Variants in NCAM2 observed in about 807,000 individuals in gnomAD.
NCAM2 encodes the protein N-CAM-2.
Under a neutral mutation model 98.1 loss-of-function variants are expected in NCAM2, and 30 were observed. The observed-to-expected ratio is 0.31, with a 90% confidence interval of 0.23 to 0.41. The LOEUF is 0.41. Among genes scored for constraint, NCAM2 ranks in the 10% least tolerant of loss-of-function variants. NCAM2 has a pLI of 1.00. For synonymous variants in NCAM2, 368 were observed against 342.4 expected (o/e 1.07, Z -0.83); for missense variants, 867 against 1,005.8 (o/e 0.86, Z 1.87).
At chr21:21,070,921 G>A (rs1041560348) in intron 1 of NCAM2, among the ~76,000 whole-genome samples, 2 of 152,188 alleles carry the variant, frequency 1.3e-5, no homozygotes, top group Non-Finnish European at 2.9e-5. Context: ...AATTTGAAAT[G>A]CCTCTAGGGA....
intron 15 of NCAM2, among the ~76,000 whole-genome samples, chr21:21,498,126 C>G (rs756687160): frequency 6.6e-6 from 1 of 151,878 alleles, no homozygotes; most frequent in Admixed American, 6.6e-5. Context: ...TCATTATATA[C>G]GTATGTGAAA....
chr21:21,466,815 C>A, intron 13 of NCAM2, 90 bp downstream of exon 13: 1 of 1,286,656 alleles, frequency 7.8e-7, no homozygotes, highest in Non-Finnish European at 1.1e-6. Flanking sequence ...GATGTTTCAA[C>A]ACTTTTGAGA....
At chr21:21,509,144 G>A in intron 16 of NCAM2, 89 bp downstream of exon 16, 1 of 1,281,856 alleles carries the variant, frequency 7.8e-7, no homozygotes. Flanking sequence ...TAGGGTAAAG[G>A]AGTAGGGTAA....
chr21:21,065,341 T>A (rs560985563), intron 1 of NCAM2, among the ~76,000 whole-genome samples: 2 of 152,316 alleles, frequency 1.3e-5, no homozygotes, highest in South Asian at 2.1e-4. Flanking sequence ...TGGGTCTTTT[T>A]TTTCCCACTT....
At chr21:21,512,122 T>A (rs1988424933) in intron 16 of NCAM2, among the ~76,000 whole-genome samples, 1 of 152,008 alleles carries the variant, frequency 6.6e-6, no homozygotes, top group South Asian at 2.1e-4. Context: ...TTTGTCCATG[T>A]TTGCTTTGTT....
At position 21,453,005 on chromosome 21, in the gene NCAM2, TA is replaced by T. The variant is rs1298427354; in HGVS notation, c.1655-13599del. Among the ~76,000 whole-genome samples the T allele has an allele frequency of 2.7e-4, 28 of 104,358 alleles. No homozygotes were observed. The South Asian group carries it at 3.7e-3, about 14-fold the overall frequency. The allele number at this position is 104,358 out of a possible 152,430, so 68.5% of individuals were successfully genotyped here. ...ATTATATATTATATTATATAATATA[TA>T]ATATATAAAAATATATAATATATAA... is the stretch of plus-strand genomic sequence containing the variant. On this transcript the variant is annotated intron_variant, in intron 12 of 17. Coordinates refer to ENST00000400546, the MANE Select transcript of NCAM2 (RefSeq NM_004540.5).
At chr21:21,380,717 C>T (rs951314176) in intron 9 of NCAM2, among the ~76,000 whole-genome samples, 2 of 152,188 alleles carry the variant, frequency 1.3e-5, no homozygotes, top group Admixed American at 6.5e-5. Flanking sequence ...CTCAAACTTT[C>T]CTTGCAATTA....
At chr21:21,308,791 C>T (rs1038231020) in intron 5 of NCAM2, among the ~76,000 whole-genome samples, 8 of 151,992 alleles carry the variant, frequency 5.3e-5, no homozygotes, top group Admixed American at 2.0e-4. Context: ...TTTCATTTTC[C>T]GGATAATTTT....
intron 1 of NCAM2, among the ~76,000 whole-genome samples, chr21:21,264,872 T>TGTGTATATATATACACACA (rs2072079917): frequency 1.5e-5 from 2 of 132,778 alleles, no homozygotes; most frequent in African/African-American, 5.5e-5. Context: ...GTGTGTGTGT[T>TGTGTATATATATACACACA]CATAGTGGGA....
At chr21:21,174,693 T>C (rs928808830) in intron 1 of NCAM2, among the ~76,000 whole-genome samples, 2 of 152,122 alleles carry the variant, frequency 1.3e-5, no homozygotes, top group Non-Finnish European at 2.9e-5. Context: ...ATAAAATTAC[T>C]GCCTTTAGGG....
At chr21:21,179,551 C>T (rs1027403208) in intron 1 of NCAM2, among the ~76,000 whole-genome samples, 7 of 152,218 alleles carry the variant, frequency 4.6e-5, no homozygotes, top group Admixed American at 1.3e-4. Flanking sequence ...TTAATCCCAA[C>T]AGCTGTTGTC....
chr21:21,504,244 G>T (rs922262920), intron 15 of NCAM2, among the ~76,000 whole-genome samples: 2 of 151,854 alleles, frequency 1.3e-5, no homozygotes, highest in African/African-American at 4.8e-5. Context: ...GTTAGTATGT[G>T]ACTTAGGCCA....
At chr21:21,525,018 T>C (rs1321043266) in intron 16 of NCAM2, among the ~76,000 whole-genome samples, 2 of 152,046 alleles carry the variant, frequency 1.3e-5, no homozygotes, top group African/African-American at 4.8e-5. Flanking sequence ...AACCAATGTT[T>C]AGAGGGAAAT....
At chr21:21,395,491 A>G (rs574874814) in intron 9 of NCAM2, among the ~76,000 whole-genome samples, 1 of 152,226 alleles carries the variant, frequency 6.6e-6, no homozygotes, top group Non-Finnish European at 1.5e-5. Context: ...AAATAACACC[A>G]TAATTCTTCA....
At chr21:21,445,923 A>G (rs1325984301) in intron 12 of NCAM2, among the ~76,000 whole-genome samples, 2 of 152,120 alleles carry the variant, frequency 1.3e-5, no homozygotes, top group African/African-American at 2.4e-5. Flanking sequence ...GTTTCTTCAC[A>G]GTGTCATTGG....
intron 9 of NCAM2, among the ~76,000 whole-genome samples, chr21:21,399,905 A>G (rs1363861416): frequency 6.6e-6 from 1 of 152,232 alleles, no homozygotes; most frequent in African/African-American, 2.4e-5. Flanking sequence ...AAAAGAAAGT[A>G]GAAAGCTTGC....
intron 1 of NCAM2, among the ~76,000 whole-genome samples, chr21:21,153,148 A>G (rs567829903): frequency 6.7e-6 from 1 of 149,712 alleles, no homozygotes; most frequent in East Asian, 1.9e-4. Context: ...CTATACCGTC[A>G]TGGCCAGCCA....
At chr21:21,458,652 A>G (rs573195048) in intron 12 of NCAM2, among the ~76,000 whole-genome samples, 132 of 152,298 alleles carry the variant, frequency 8.7e-4, no homozygotes, top group Middle Eastern at 3.4e-3. Flanking sequence ...TTGATCTTGG[A>G]CTTCCCAGCC....
intron 16 of NCAM2, among the ~76,000 whole-genome samples, chr21:21,531,092 T>C (rs1022728383): frequency 6.6e-6 from 1 of 152,172 alleles, no homozygotes; most frequent in East Asian, 1.9e-4. Flanking sequence ...TTTGTTTTAA[T>C]TGTCTTTTAA....
Sources: allele counts gnomAD v4.1 joint callset (sites outside exome capture counted in the v4.1 genomes callset), GRCh38; gene constraint gnomAD v4.1.1; transcripts MANE v1.5; gene names NCBI Gene and HGNC (gene_info 2026-07-23, HGNC 2026-07-21).